CCDC178: variants seen among roughly 807,000 people sequenced by gnomAD.
CCDC178 encodes the protein coiled-coil domain containing 178.
A neutral mutation model predicts 117.4 loss-of-function variants in CCDC178; 126 were observed. The ratio of observed to expected loss-of-function variants is 1.07; its 90% CI spans 0.93 to 1.24. CCDC178 has a LOEUF of 1.24. CCDC178 is among the 50% of genes most tolerant of loss of function. The probability of loss-of-function intolerance (pLI) is 0.00; values close to 1 mark genes in which losing one functional copy is unlikely to be tolerated. For missense variants in CCDC178, 1,030 were observed against 986.9 expected (o/e 1.04, Z -0.59); for synonymous variants, 283 against 313.4 (o/e 0.90, Z 1.02).
intron 21 of CCDC178, among the ~76,000 whole-genome samples, chr18:33,037,760 G>A (rs898465896): frequency 2.0e-5 from 3 of 151,730 alleles, no homozygotes; most frequent in African/African-American, 4.8e-5. Context: ...ATAAATTTTC[G>A]ACAGGAAAAC....
intron 11 of CCDC178, among the ~76,000 whole-genome samples, chr18:33,315,204 CACTA>C (rs1356818516): frequency 2.6e-5 from 4 of 152,152 alleles, no homozygotes; most frequent in South Asian, 2.1e-4. Context: ...TCCCTAGACT[CACTA>C]ACTAACACTG....
chr18:32,952,075 A>C (rs2054498020), intron 22 of CCDC178, among the ~76,000 whole-genome samples: 3 of 152,048 alleles, frequency 2.0e-5, no homozygotes, highest in Non-Finnish European at 2.9e-5. Flanking sequence ...CCCCCCTCCC[A>C]GCTGCTTTCA....
chr18:32,953,239 T>G (rs1030241539), intron 22 of CCDC178, among the ~76,000 whole-genome samples: 1 of 152,228 alleles, frequency 6.6e-6, no homozygotes, highest in African/African-American at 2.4e-5. Flanking sequence ...AGAGCGACCT[T>G]TGCACTAGTT....
intron 2 of CCDC178, among the ~76,000 whole-genome samples, chr18:33,430,671 C>T: frequency 6.6e-6 from 1 of 152,198 alleles, no homozygotes; most frequent in Non-Finnish European, 1.5e-5. Flanking sequence ...TCACTAACAT[C>T]ATCAAAGAAG....
At chr18:33,156,082 C>CTTTTTTTTTT (rs755685926) in intron 20 of CCDC178, among the ~76,000 whole-genome samples, 1 of 98,036 alleles carries the variant, frequency 1.0e-5, no homozygotes, top group Non-Finnish European at 1.9e-5. Flanking sequence ...CTAGAAAACA[C>CTTTTTTTTTT]TTTTTTTTTT....
intron 21 of CCDC178, among the ~76,000 whole-genome samples, chr18:33,064,751 G>A (rs1403800229): frequency 6.6e-6 from 1 of 152,128 alleles, no homozygotes; most frequent in African/African-American, 2.4e-5. Context: ...ATGTTGAAGA[G>A]CTATCTGTAC....
intron 21 of CCDC178, among the ~76,000 whole-genome samples, chr18:33,046,435 A>G (rs2056644487): frequency 6.6e-6 from 1 of 152,104 alleles, no homozygotes; most frequent in Non-Finnish European, 1.5e-5. Flanking sequence ...TAGAGAGACA[A>G]CTTCTCATAT....
At chr18:33,156,478 C>T (rs989928904) in intron 20 of CCDC178, among the ~76,000 whole-genome samples, 11 of 151,220 alleles carry the variant, frequency 7.3e-5, no homozygotes, top group African/African-American at 2.7e-4. Context: ...AAATAATAGG[C>T]ATTGTAAAAG....
intron 5 of CCDC178, among the ~76,000 whole-genome samples, chr18:33,381,886 T>C (rs1239983237): frequency 6.6e-6 from 1 of 152,196 alleles, no homozygotes; most frequent in African/African-American, 2.4e-5. Context: ...ATATATTTTA[T>C]TTGGCCTACA....
At chr18:33,349,226 T>C (rs1299758746) in intron 7 of CCDC178, among the ~76,000 whole-genome samples, 1 of 151,840 alleles carries the variant, frequency 6.6e-6, no homozygotes, top group East Asian at 1.9e-4. Flanking sequence ...TAAAACTACA[T>C]TTTTTTAAAG....
intron 22 of CCDC178, among the ~76,000 whole-genome samples, chr18:32,946,723 G>T (rs1042923697): frequency 3.8e-4 from 52 of 137,110 alleles, no homozygotes; most frequent in Admixed American, 5.1e-4. Context: ...GGTTTTTTGG[G>T]TTTTTTTTTT....
chr18:33,073,502 AGCATCTAT>A (rs1567971172), intron 21 of CCDC178, among the ~76,000 whole-genome samples: 1 of 136,648 alleles, frequency 7.3e-6, no homozygotes, highest in African/African-American at 2.8e-5. Context: ...TACTATAGTC[AGCATCTAT>A]CTATCTATCT....
intron 20 of CCDC178, among the ~76,000 whole-genome samples, chr18:33,175,379 GT>G (rs780043637): frequency 2.7e-5 from 4 of 150,830 alleles, no homozygotes; most frequent in South Asian, 4.2e-4. Flanking sequence ...GTTTTGTGGG[GT>G]TTTTTTTCTT....
At chr18:33,365,350 A>C (rs1012143866) in intron 6 of CCDC178, among the ~76,000 whole-genome samples, 2 of 152,178 alleles carry the variant, frequency 1.3e-5, no homozygotes, top group Non-Finnish European at 2.9e-5. Flanking sequence ...TTAATAGCTG[A>C]CACATTGTCA....
intron 21 of CCDC178, among the ~76,000 whole-genome samples, chr18:33,003,243 A>G (rs2055679017): frequency 6.6e-6 from 1 of 152,130 alleles, no homozygotes; most frequent in Non-Finnish European, 1.5e-5. Context: ...AAGAAAAACT[A>G]CAAACCAATA....
At chr18:33,072,920 T>C (rs1044316306) in intron 21 of CCDC178, among the ~76,000 whole-genome samples, 4 of 152,120 alleles carry the variant, frequency 2.6e-5, no homozygotes, top group African/African-American at 9.6e-5. Flanking sequence ...TATACATTTT[T>C]TAAATAATCA....
intron 5 of CCDC178, among the ~76,000 whole-genome samples, chr18:33,371,998 T>C (rs1007154627): frequency 6.6e-6 from 1 of 152,084 alleles, no homozygotes; most frequent in Admixed American, 6.6e-5. Flanking sequence ...TTCATTAAAT[T>C]TGGTGAAAAC....
intron 14 of CCDC178, among the ~76,000 whole-genome samples, chr18:33,248,394 G>GTA (rs1325386583): frequency 2.0e-5 from 3 of 151,202 alleles, no homozygotes; most frequent in Admixed American, 2.0e-4. Flanking sequence ...TTTACATTAG[G>GTA]TATAGCTCCT....
chr18:33,356,126 G>A (rs926330262), intron 7 of CCDC178, among the ~76,000 whole-genome samples, 198 bp downstream of exon 7: 1 of 152,050 alleles, frequency 6.6e-6, no homozygotes, highest in Non-Finnish European at 1.5e-5. Flanking sequence ...GTGGAGGGGT[G>A]GAGCTCTGGA....
Sources: allele counts gnomAD v4.1 joint callset (sites outside exome capture counted in the v4.1 genomes callset), GRCh38; gene constraint gnomAD v4.1.1; transcripts MANE v1.5; gene names NCBI Gene and HGNC (gene_info 2026-07-23, HGNC 2026-07-21).